The following ASAH1 variants were observed in gnomAD, a reference collection of about 807,000 sequenced individuals.
The protein encoded by ASAH1 is acid ceramidase.
A neutral mutation model predicts 59.5 loss-of-function variants in ASAH1; 70 were observed. That is an observed-to-expected ratio of 1.18 (90% CI 0.97 to 1.43). The LOEUF (loss-of-function observed/expected upper bound fraction) is 1.43. ASAH1 is among the 40% of genes most tolerant of loss of function. The probability of loss-of-function intolerance (pLI) is 0.00; values close to 1 mark genes in which losing one functional copy is unlikely to be tolerated. For synonymous variants in ASAH1, 213 were observed against 166.5 expected, an observed-to-expected ratio of 1.28 and a Z score of -2.15; for missense variants, 660 against 482.5, an observed-to-expected ratio of 1.37 and a Z score of -3.45.
chr8:18,068,044 G>A (rs772974960), intron 4 of ASAH1: 11 of 152,032 alleles, frequency 7.2e-5, no homozygotes, highest in Non-Finnish European at 1.6e-4. Flanking sequence ...CAAGTGGAAT[G>A]TTCCAGCCAT....
At chr8:18,084,392 G>A (rs1484167937), upstream of ASAH1, 1 of 1,400,528 alleles carries the variant, frequency 7.1e-7, no homozygotes, top group African/African-American at 1.5e-5. Context: ...CCGTAGGTGG[G>A]GCCGGGAGCT....
upstream of ASAH1, chr8:18,084,654 C>A (rs769861629): frequency 4.3e-6 from 7 of 1,612,880 alleles, no homozygotes; most frequent in African/African-American, 9.3e-5. Flanking sequence ...CACTCGGGTC[C>A]TCCAAGCTGT....
intron 1 of ASAH1, among the ~76,000 whole-genome samples, chr8:18,077,595 C>A (rs4537337): frequency 0.49 from 74,486 of 151,980 alleles, 18,591 homozygotes; most frequent in Middle Eastern, 0.54. Context: ...TCAAAAATCA[C>A]ATGCTTTGTT....
intron 2 of ASAH1, among the ~76,000 whole-genome samples, chr8:18,075,302 T>G (rs954243640): frequency 6.6e-6 from 1 of 152,158 alleles, no homozygotes; most frequent in Non-Finnish European, 1.5e-5. Context: ...TGAAAATCCT[T>G]TTCTTTCCGA....
At chr8:18,058,571 T>C (rs1799562226) in intron 13 of ASAH1, 5 of 475,524 alleles carry the variant, frequency 1.1e-5, no homozygotes, top group Non-Finnish European at 1.9e-5. Flanking sequence ...TAGATACCAA[T>C]AAGAGTAAAA....
At chr8:18,074,473 G>A (rs1800306164) in intron 2 of ASAH1, among the ~76,000 whole-genome samples, 1 of 152,208 alleles carries the variant, frequency 6.6e-6, no homozygotes, top group Non-Finnish European at 1.5e-5. Context: ...TACAACGTAA[G>A]TAATTTGGAA....
rs541762951 is a variant in ASAH1 at position 18,073,754 on chromosome 8, C to A, written c.125+1787G>T. Reference sequence around the variant, plus strand: ...AGGAACAGAACGTCTGTTTGTCATTCAAAGGTACATAAATACCACAGTTAT... The same window carrying A: ...AGGAACAGAACGTCTGTTTGTCATTAAAAGGTACATAAATACCACAGTTAT... On this transcript the variant is annotated intron_variant, in intron 2 of 13. Transcript: ENST00000637790. Among the ~76,000 whole-genome samples, 20 of 152,256 alleles carry A rather than the reference C, an allele frequency of 1.3e-4. No individual in the cohort carries two copies. In the East Asian group the frequency reaches 3.7e-3, roughly 28 times the overall value.
chr8:18,072,253 C>A (rs1455548318), intron 2 of ASAH1, among the ~76,000 whole-genome samples: 3 of 152,232 alleles, frequency 2.0e-5, no homozygotes, highest in African/African-American at 7.2e-5. Flanking sequence ...CTGATCTGCT[C>A]CTGAGACTGG....
At chr8:18,077,264 C>G (rs960528076) in intron 1 of ASAH1, among the ~76,000 whole-genome samples, 1 of 152,178 alleles carries the variant, frequency 6.6e-6, no homozygotes. Flanking sequence ...CACAAAATAT[C>G]TGAAAAGGAA....
Position 18,056,498 on chromosome 8 carries a change from T to G in ASAH1, c.*1036A>C, listed in dbSNP as rs1191163382. On this transcript the variant is annotated 3_prime_UTR_variant, in exon 14 of 14. Coordinates refer to ENST00000637790, the MANE Select transcript of ASAH1 (RefSeq NM_177924.5). ...TGAGTGTCAGGAACACAACTGTGAT[T>G]ATACAAAATGAAGTGGACAAACGGT... 2 of 152,216 alleles carry G rather than the reference T, an allele frequency of 1.3e-5. No individual in the cohort carries two copies. The highest frequency in any genetic ancestry group is 1.3e-4 in the Admixed American group (2 of 15,280). 9.4% of individuals were successfully genotyped at this position (152,216 alleles called of 1,614,324 possible). A position where few individuals can be genotyped will look rare whatever the true frequency, so the allele number is the denominator to read the frequency against.
At chr8:18,069,663 T>C in intron 4 of ASAH1, 129 bp downstream of exon 4, 1 of 667,544 alleles carries the variant, frequency 1.5e-6, no homozygotes. Flanking sequence ...TCTGAAGTTC[T>C]GACAGTGAGC....
upstream of ASAH1, chr8:18,084,516 A>G (rs1443182846): frequency 8.7e-6 from 12 of 1,373,910 alleles, no homozygotes; most frequent in South Asian, 1.2e-4. Flanking sequence ...CACTAATGTA[A>G]CATCCCACCC....
chr8:18,073,114 T>C, intron 2 of ASAH1: 1 of 812,468 alleles, frequency 1.2e-6, no homozygotes, highest in Non-Finnish European at 1.9e-6. Flanking sequence ...AGAGAACTGG[T>C]TAATCTAATA....
At chr8:18,061,518 G>A in intron 9 of ASAH1, 60 bp from the exon 10 acceptor site, 1 of 1,492,342 alleles carries the variant, frequency 6.7e-7, no homozygotes, top group Non-Finnish European at 9.4e-7. Flanking sequence ...AACCAGTCAG[G>A]ACCCGGAAGA....
chr8:18,061,998 C>G, intron 8 of ASAH1: 1 of 620,742 alleles, frequency 1.6e-6, no homozygotes, highest in Non-Finnish European at 2.8e-6. Flanking sequence ...CCTGACTTGC[C>G]TAAGTGAGCG....
At chr8:18,079,214 A>G (rs1035206396) in intron 1 of ASAH1, among the ~76,000 whole-genome samples, 1 of 147,092 alleles carries the variant, frequency 6.8e-6, no homozygotes, top group Non-Finnish European at 1.5e-5. Flanking sequence ...TGGAAGTTGC[A>G]GTGAGACGAG....
intron 1 of ASAH1, among the ~76,000 whole-genome samples, chr8:18,081,256 C>G (rs558551952): frequency 6.6e-6 from 1 of 152,138 alleles, no homozygotes; most frequent in African/African-American, 2.4e-5. Context: ...TCAGCTCATT[C>G]GCCCTCCTGA....
At chr8:18,084,599 G>A, upstream of ASAH1, 1 of 1,596,858 alleles carries the variant, frequency 6.3e-7, no homozygotes, top group Admixed American at 1.7e-5. Context: ...CGGAGTCAGG[G>A]ACAAGGAGCA....
intron 1 of ASAH1, among the ~76,000 whole-genome samples, chr8:18,080,276 T>C (rs574229072): frequency 6.6e-6 from 1 of 152,328 alleles, no homozygotes; most frequent in South Asian, 2.1e-4. Flanking sequence ...CAAGTTTACT[T>C]TGGCAATTAA....
Sources: gnomAD v4.1 joint callset for allele counts (sites outside exome capture counted in the v4.1 genomes callset) on GRCh38, gnomAD v4.1.1 for gene constraint, MANE v1.5 for transcripts, NCBI Gene and HGNC (gene_info 2026-07-23, HGNC 2026-07-21) for gene names.